Variants in NUDCD1 observed in about 807,000 individuals in gnomAD.
NUDCD1 encodes the protein nudC domain-containing protein 1.
In NUDCD1, 60 loss-of-function variants were observed where a neutral mutation model predicts 67.8. That is an observed-to-expected ratio of 0.88 (90% CI 0.72 to 1.10). NUDCD1 has a LOEUF of 1.10. NUDCD1 is among the 50% of genes least tolerant of loss of function. The pLI is 0.00. For synonymous variants in NUDCD1, 244 were observed against 230.8 expected, an observed-to-expected ratio of 1.06 and a Z score of -0.52; for missense variants, 643 against 695.0, an observed-to-expected ratio of 0.93 and a Z score of 0.84.
intron 5 of NUDCD1, among the ~76,000 whole-genome samples, chr8:109,282,614 A>G (rs776654870): frequency 1.3e-5 from 2 of 150,536 alleles, no homozygotes; most frequent in Non-Finnish European, 3.0e-5. Context: ...GTTCTCACTC[A>G]TAAGTGGGAG....
chr8:109,307,235 T>C (rs1462923146), intron 2 of NUDCD1, among the ~76,000 whole-genome samples: 1 of 152,238 alleles, frequency 6.6e-6, no homozygotes, highest in Non-Finnish European at 1.5e-5. Flanking sequence ...CACTTTGTAA[T>C]ATTCTTCCCA....
chr8:109,253,175 T>C (rs1027282776), intron 8 of NUDCD1, among the ~76,000 whole-genome samples: 5 of 152,168 alleles, frequency 3.3e-5, no homozygotes, highest in African/African-American at 7.2e-5. Flanking sequence ...GAATGGTGGT[T>C]AGCCAAAACA....
chr8:109,257,886 T>C (rs1351377564), intron 8 of NUDCD1, among the ~76,000 whole-genome samples: 3 of 152,130 alleles, frequency 2.0e-5, no homozygotes, highest in Non-Finnish European at 4.4e-5. Flanking sequence ...AACAGGTACC[T>C]GGCCCACTGA....
At chr8:109,253,881 C>A (rs1336675418) in intron 8 of NUDCD1, among the ~76,000 whole-genome samples, 10 of 151,960 alleles carry the variant, frequency 6.6e-5, no homozygotes, top group African/African-American at 1.9e-4. Flanking sequence ...AAGGATATTG[C>A]ATCATAATTT....
intron 2 of NUDCD1, among the ~76,000 whole-genome samples, chr8:109,309,928 G>A (rs1346162197): frequency 6.6e-6 from 1 of 151,184 alleles, no homozygotes; most frequent in Non-Finnish European, 1.5e-5. Context: ...AACCAAGGAG[G>A]TGAAAGACCT....
intron 1 of NUDCD1, chr8:109,329,872 C>A: frequency 6.5e-7 from 1 of 1,547,348 alleles, no homozygotes; most frequent in South Asian, 1.2e-5. Context: ...AATACAAAAT[C>A]AATAATCTTA....
rs1386408025 is a variant in NUDCD1 at position 109,298,496 on chromosome 8, C to T, written c.274-1927G>A. ...CTTATTCTCTCCCTCATATCGTAAA[C>T]AAAAATATTCCATATTCCAGTAGAT... On this transcript the variant is annotated intron_variant, in intron 2 of 9. Coordinates refer to ENST00000239690, the MANE Select transcript of NUDCD1 (RefSeq NM_032869.4). 4 of 152,032 alleles carry T rather than the reference C, an allele frequency of 2.6e-5. No homozygotes were observed. In the East Asian group the frequency reaches 7.7e-4, roughly 29 times the overall value. 9.4% of individuals were successfully genotyped at this position (152,032 alleles called of 1,614,324 possible). A position where few individuals can be genotyped will look rare whatever the true frequency, so the allele number is the denominator to read the frequency against.
intron 1 of NUDCD1, among the ~76,000 whole-genome samples, chr8:109,325,713 A>C (rs1003953465): frequency 1.3e-5 from 2 of 152,236 alleles, no homozygotes; most frequent in Non-Finnish European, 2.9e-5. Flanking sequence ...TTATGAATGG[A>C]CTGTATTTAT....
chr8:109,325,512 T>C (rs1279788615), intron 1 of NUDCD1, among the ~76,000 whole-genome samples: 1 of 152,142 alleles, frequency 6.6e-6, no homozygotes, highest in East Asian at 1.9e-4. Context: ...TACACCTATA[T>C]ACATGCATAC....
chr8:109,289,481 CTATT>C (rs768732635), intron 5 of NUDCD1, among the ~76,000 whole-genome samples: 6 of 152,034 alleles, frequency 3.9e-5, no homozygotes, highest in Admixed American at 6.6e-5. Flanking sequence ...TATTTGATAA[CTATT>C]TATTAAGCAC....
intron 8 of NUDCD1, among the ~76,000 whole-genome samples, chr8:109,245,893 G>A (rs1396655014): frequency 6.6e-6 from 1 of 152,192 alleles, no homozygotes; most frequent in Non-Finnish European, 1.5e-5. Context: ...GGGCCGCACA[G>A]CAAGAGATGA....
intron 8 of NUDCD1, among the ~76,000 whole-genome samples, chr8:109,248,531 G>C (rs1291963895): frequency 7.2e-5 from 11 of 152,042 alleles, no homozygotes; most frequent in Admixed American, 7.2e-4. Flanking sequence ...CTATTTTACA[G>C]TTAGAATAAT....
intron 8 of NUDCD1, among the ~76,000 whole-genome samples, chr8:109,247,907 A>G (rs1480449177): frequency 6.7e-6 from 1 of 148,348 alleles, no homozygotes; most frequent in Non-Finnish European, 1.5e-5. Context: ...AGATGTCCAC[A>G]TCTAAATCCC....
chr8:109,318,004 A>G (rs775215391), intron 2 of NUDCD1, among the ~76,000 whole-genome samples: 2 of 152,188 alleles, frequency 1.3e-5, no homozygotes, highest in Non-Finnish European at 2.9e-5. Flanking sequence ...GTAGAAGTAT[A>G]AGTACTTGAA....
chr8:109,293,263 G>C, intron 4 of NUDCD1, 81 bp downstream of exon 4: 1 of 712,082 alleles, frequency 1.4e-6, no homozygotes, highest in Non-Finnish European at 2.3e-6. Context: ...AGAGCAAACA[G>C]TATTTACAGG....
In NUDCD1 at chr8:109,251,902, A is replaced by AT. The variant is rs570558705; in HGVS notation, c.1300-6422dup. ...TCTAGTATAACATGTAATGCTGTAA[A>AT]TATCCCCCTAAGCTTTAGCTGTATT... On this transcript the variant is annotated intron_variant, in intron 8 of 9. Coordinates refer to ENST00000239690, the MANE Select transcript of NUDCD1 (RefSeq NM_032869.4). 3.4e-4 allele frequency among the ~76,000 whole-genome samples: 51 copies of AT among 152,186 alleles called. No individual in the cohort carries two copies. In the East Asian group the frequency reaches 9.3e-3, roughly 28 times the overall value.
chr8:109,295,627 G>T (rs567726596), intron 3 of NUDCD1, among the ~76,000 whole-genome samples: 100 of 152,194 alleles, frequency 6.6e-4, no homozygotes, highest in African/African-American at 2.1e-3. Context: ...TTGGTCAGAT[G>T]AAATTATTTT....
chr8:109,268,838 G>A lies in NUDCD1; in HGVS notation c.1299+2167C>T, dbSNP rs138329872. Among the ~76,000 whole-genome samples, 495 of 152,256 alleles carry A rather than the reference G, an allele frequency of 3.3e-3. 3 individuals are homozygous for A. Among genetic ancestry groups the A allele is most frequent in the African/African-American group, 0.011 (457 of 41,546 alleles). On this transcript the variant is annotated intron_variant, in intron 8 of 9. Coordinates refer to ENST00000239690, the MANE Select transcript of NUDCD1 (RefSeq NM_032869.4). ...AGGTAATAAAAAGAAGAGCAGCTAT[G>A]TGATAGCTCTTATTTATCACAATTC...
chr8:109,318,770 C>G (rs753882101), intron 2 of NUDCD1, among the ~76,000 whole-genome samples: 1 of 152,154 alleles, frequency 6.6e-6, no homozygotes, highest in African/African-American at 2.4e-5. Context: ...CATACCTACA[C>G]TTGGATTAGA....
Sources: gnomAD v4.1 joint callset for allele counts (sites outside exome capture counted in the v4.1 genomes callset) on GRCh38, gnomAD v4.1.1 for gene constraint, MANE v1.5 for transcripts, NCBI Gene and HGNC (gene_info 2026-07-23, HGNC 2026-07-21) for gene names.